The following SLC9A5 variants were observed in gnomAD, a reference collection of about 807,000 sequenced individuals.
SLC9A5 encodes the protein sodium/hydrogen exchanger 5.
A neutral mutation model predicts 91.7 loss-of-function variants in SLC9A5; 52 were observed. The observed-to-expected ratio is 0.57, with a 90% CI of 0.45 to 0.71. The LOEUF is 0.71. Among genes scored for constraint, SLC9A5 ranks in the 30% least tolerant of loss-of-function variants. The pLI, the probability that SLC9A5 is intolerant of heterozygous loss-of-function variation, is 0.00. For missense variants in SLC9A5, 871 were observed against 1,158.9 expected, an observed-to-expected ratio of 0.75 and a Z score of 3.61; for synonymous variants, 419 against 474.5, an observed-to-expected ratio of 0.88 and a Z score of 1.52.
chr16:67,265,060 T>C lies in SLC9A5; in HGVS notation c.2034T>C (p.Ala678=), dbSNP rs767160984. The C allele has an allele frequency of 1.2e-6, 2 of 1,614,124 alleles. No individual in the cohort carries two copies. The highest frequency in any genetic ancestry group is 2.2e-5 in the East Asian group (1 of 44,876). ...CTCAGAAGGATGGTGTGGCGAATGCTGAGGCTACAAATGGGAAACATCGAG... is the reference window on the plus strand; with the variant it reads ...CTCAGAAGGATGGTGTGGCGAATGCCGAGGCTACAAATGGGAAACATCGAG... ...GRRKKDGVAN[A]EATNGKHRGL... The change falls in exon 14 of 16, where the codon GCT becomes GCC. Residue 678 remains alanine, a synonymous_variant. Coordinates refer to ENST00000299798, the MANE Select transcript of SLC9A5 (RefSeq NM_004594.3).
intron 10 of SLC9A5, among the ~76,000 whole-genome samples, 162 bp from the exon 11 acceptor site, chr16:67,259,411 T>G (rs1177218039): frequency 6.7e-6 from 1 of 148,262 alleles, no homozygotes; most frequent in Non-Finnish European, 1.5e-5. Context: ...CAAGTACCTA[T>G]GTTATAGATT....
In SLC9A5 at chr16:67,258,900, G is replaced by T. The variant is rs2035416719; in HGVS notation, c.1626+453G>T. On this transcript the variant is annotated intron_variant, in intron 10 of 15. Transcript: ENST00000299798. The surrounding 1 kb of genome is among the most constrained non-coding windows in gnomAD (Gnocchi z 4.5). ...GTCTCTACTAAAAATACAAAAACTAGCCAGGCATGGTGGTGCATGCCTGTA... is the reference window on the plus strand; with the variant it reads ...GTCTCTACTAAAAATACAAAAACTATCCAGGCATGGTGGTGCATGCCTGTA... Among the ~76,000 whole-genome samples the T allele has an allele frequency of 6.6e-6, 1 of 151,152 alleles. No individual in the cohort carries two copies. The highest frequency in any genetic ancestry group is 2.5e-5 in the African/African-American group (1 of 40,800).
In SLC9A5 at chr16:67,258,443, A is replaced by T. The variant is rs2035400299; in HGVS notation, c.1622A>T (p.Asp541Val). 1 of 1,614,076 alleles carries T rather than the reference A, an allele frequency of 6.2e-7. No individual in the cohort carries two copies. Residue 541 changes from aspartate to valine, a missense_variant, in exon 10 of 16, where the codon GAC becomes GTC. This residue lies in a region of SLC9A5 where 454 missense variants were observed against 718.3 expected (regional missense o/e 0.63). Coordinates refer to ENST00000299798, the MANE Select transcript of SLC9A5 (RefSeq NM_004594.3). This position sits in a 1 kb window ranked among gnomAD's most constrained non-coding sequence, Gnocchi z 4.5. ...ATCCGGGATGCCATCAGCTTTGTGG[A>T]CCAGGTGGGCCAGCAGCTTCCAGGT... ...LNIRDAISFVDQGGHVLSSTG... is the reference protein window; with the variant it reads ...LNIRDAISFVVQGGHVLSSTG...
chr16:67,255,181 C>T lies in SLC9A5; in HGVS notation c.651C>T (p.Thr217=), dbSNP rs748366081. ...AGTCCCTGCTCAACGATGCTGTCAC[C>T]GTGGTGAGCGTGCTCAGCTGACTGC... ...FGESLLNDAV[T]VVLYKVCNSF... The change falls in exon 3 of 16, where the codon ACC becomes ACT. Residue 217 remains threonine, a synonymous_variant. Transcript: ENST00000299798. The surrounding 1 kb of genome is among the most constrained non-coding windows in gnomAD (Gnocchi z 4.9). 1.4e-5 allele frequency: 22 copies of T among 1,612,406 alleles called. No individual in the cohort carries two copies. The highest frequency in any genetic ancestry group is 1.6e-4 in the Middle Eastern group (1 of 6,072).
chr16:67,266,131 G>C lies in SLC9A5; in HGVS notation c.2124G>C (p.Glu708Asp), dbSNP rs766389319. The C allele has an allele frequency of 6.2e-7, 1 of 1,611,704 alleles. No individual in the cohort carries two copies. The highest frequency in any genetic ancestry group is 8.5e-7 in the Non-Finnish European group (1 of 1,178,912). Residue 708 changes from glutamate to aspartate, a missense_variant, in exon 15 of 16, where the codon GAG becomes GAC. Glu to Asp is a conservative substitution (Grantham distance 45). Coordinates refer to ENST00000299798, the MANE Select transcript of SLC9A5 (RefSeq NM_004594.3). The stretch of plus-strand genomic sequence containing the variant: ...TGGAGTCTGAGGAGGAGGAGGAGGA[G>C]AGCGACAGTTCAGAGACAGAGAAGG... ...LTVESEEEEE[E>D]SDSSETEKED...
At position 67,252,517 on chromosome 16, in the gene SLC9A5, A is replaced by G. The variant is rs554303358; in HGVS notation, c.188-25A>G. The stretch of plus-strand genomic sequence containing the variant: ...GGGAGGATATTCCATAAACTGATCC[A>G]TCCTGCACTCTTTTTGCATTGCAGT... On this transcript the variant is annotated intron_variant, in intron 1 of 15. Transcript: ENST00000299798. This position sits in a 1 kb window ranked among gnomAD's most constrained non-coding sequence, Gnocchi z 4.0. 1.3e-5 allele frequency: 21 copies of G among 1,597,126 alleles called. No individual in the cohort carries two copies. In the South Asian group the frequency reaches 2.4e-4, roughly 18 times the overall value.
In SLC9A5 at chr16:67,266,204, C is replaced by T. The variant is rs530527126; in HGVS notation, c.2197C>T (p.Leu733Phe). The change falls in exon 15 of 16, where the codon CTC (leucine) becomes TTC (phenylalanine). Residue 733 changes from leucine (L) to phenylalanine (F), a missense_variant. By Grantham distance (22) the Leu-to-Phe change is conservative (BLOSUM62 0). Transcript: ENST00000299798. Reference sequence around the variant, plus strand: ...TGTGGCTCGTGCCACCAGTGAGGTTCTCCAAGAGGGCAAGGTCTCAGGTAA... The same window carrying T: ...TGTGGCTCGTGCCACCAGTGAGGTTTTCCAAGAGGGCAAGGTCTCAGGTAA... ...IFVARATSEV[L>F]QEGKVSGSLE... The T allele has an allele frequency of 1.7e-5, 27 of 1,606,786 alleles. No individual in the cohort carries two copies. In the African/African-American group the frequency reaches 3.5e-4, roughly 21 times the overall value.
rs370153228 is a variant in SLC9A5 at position 67,255,851 on chromosome 16, A to G, written c.832A>G (p.Ile278Val). ...TTRFTKRVRIIEPLLVFLLAY... is the reference protein window; with the variant it reads ...TTRFTKRVRIVEPLLVFLLAY... ...ACGCTTCACCAAGCGGGTCCGCATC[A>G]TCGAGCCGCTGCTGGTCTTCCTCCT... The change falls in exon 5 of 16, where the codon ATC becomes GTC. Residue 278 changes from isoleucine to valine, a missense_variant. Transcript: ENST00000299798. The surrounding 1 kb of genome is among the most constrained non-coding windows in gnomAD (Gnocchi z 4.9). 34 of 1,613,076 alleles carry G rather than the reference A, an allele frequency of 2.1e-5. 1 individual carries two copies. The highest frequency in any genetic ancestry group is 6.7e-5 in the African/African-American group (5 of 75,036).
chr16:67,254,711 C>G (rs2035246801), intron 2 of SLC9A5, among the ~76,000 whole-genome samples: 1 of 152,172 alleles, frequency 6.6e-6, no homozygotes, highest in Non-Finnish European at 1.5e-5. Flanking sequence ...TTCCCTATTC[C>G]AAATGGCTGG....
intron 12 of SLC9A5, among the ~76,000 whole-genome samples, 156 bp from the exon 13 acceptor site, chr16:67,264,196 C>T (rs2035623021): frequency 6.6e-6 from 1 of 152,112 alleles, no homozygotes; most frequent in African/African-American, 2.4e-5. Flanking sequence ...TGGCTGGGTT[C>T]CTGTTGTATT....
intron 15 of SLC9A5, among the ~76,000 whole-genome samples, chr16:67,269,288 T>C (rs1237958939): frequency 6.6e-6 from 1 of 151,506 alleles, no homozygotes; most frequent in African/African-American, 2.4e-5. Context: ...AAAAATTAGC[T>C]AGGCATGGTG....
In SLC9A5 at chr16:67,252,178, G is replaced by A. The variant is rs149615427; in HGVS notation, c.188-364G>A. On this transcript the variant is annotated intron_variant, in intron 1 of 15. Transcript: ENST00000299798. This position sits in a 1 kb window ranked among gnomAD's most constrained non-coding sequence, Gnocchi z 4.0. ...CAGTCTTAGAAGGTTGGCCAGGCGC[G>A]GTGGCTCACACCTGTAATCCCAGCA... Among the ~76,000 whole-genome samples the A allele has an allele frequency of 3.9e-5, 6 of 152,218 alleles. No homozygotes were observed. The highest frequency in any genetic ancestry group is 4.1e-4 in the South Asian group (2 of 4,822).
rs1487345867 is a variant in SLC9A5, at chr16:67,257,176, C to G, written c.1335+63C>G. 5.3e-6 allele frequency: 8 copies of G among 1,509,248 alleles called. No homozygotes were observed. Among genetic ancestry groups the G allele is most frequent in the Non-Finnish European group, 7.2e-6 (8 of 1,106,084 alleles). 93.5% of individuals were successfully genotyped at this position (1,509,248 alleles called of 1,614,324 possible). ...GGCAGGCCCTGGGGGAGTCTTGGAGCCTGTGGGACAGGGGCTTCTCTTCCC... is the reference window on the plus strand; with the variant it reads ...GGCAGGCCCTGGGGGAGTCTTGGAGGCTGTGGGACAGGGGCTTCTCTTCCC... On this transcript the variant is annotated intron_variant, in intron 7 of 15. Transcript: ENST00000299798. The surrounding 1 kb of genome is among the most constrained non-coding windows in gnomAD (Gnocchi z 5.1).
At chr16:67,251,132 A>G (rs1482669823) in intron 1 of SLC9A5, among the ~76,000 whole-genome samples, 1 of 152,184 alleles carries the variant, frequency 6.6e-6, no homozygotes, top group East Asian at 1.9e-4. Flanking sequence ...AAGTTCAAGT[A>G]AGTTAAATAA....
chr16:67,259,534 C>T, intron 10 of SLC9A5, 39 bp from the exon 11 acceptor site: 1 of 1,468,506 alleles, frequency 6.8e-7, no homozygotes, highest in Non-Finnish European at 9.5e-7. Flanking sequence ...GGCAACCCTC[C>T]ATCTGATTGC....
chr16:67,252,962 C>T lies in SLC9A5; in HGVS notation c.490+118C>T, dbSNP rs146809975. 149 of 938,804 alleles carry T rather than the reference C, an allele frequency of 1.6e-4. No homozygotes were observed. In the African/African-American group the frequency reaches 2.2e-3, roughly 14 times the overall value. The allele number at this position is 938,804 out of a possible 1,614,324, so 58.2% of individuals were successfully genotyped here. A position where few individuals can be genotyped will look rare whatever the true frequency, so the allele number is the denominator to read the frequency against. Reference sequence around the variant, plus strand: ...CTGAAAGCTCCATCCTAGGTCCCTCCCTCTGGAGTGCAAGGCAGTGCTCCC... The same window carrying T: ...CTGAAAGCTCCATCCTAGGTCCCTCTCTCTGGAGTGCAAGGCAGTGCTCCC... On this transcript the variant is annotated intron_variant, in intron 2 of 15. Coordinates refer to ENST00000299798, the MANE Select transcript of SLC9A5 (RefSeq NM_004594.3). This position sits in a 1 kb window ranked among gnomAD's most constrained non-coding sequence, Gnocchi z 4.0.
At chr16:67,267,672 T>C (rs1325032157) in intron 15 of SLC9A5, among the ~76,000 whole-genome samples, 1 of 152,306 alleles carries the variant, frequency 6.6e-6, no homozygotes. Context: ...CCTGAATTCA[T>C]CAAAATGGAG....
rs2035354238 is a variant in SLC9A5, at chr16:67,257,266, G to A, written c.1336-79G>A. ...GCAGTGGGGTAGGGGTACTGAAGCT[G>A]AAGCCTCATTACGGGGAGAGAAAGG... On this transcript the variant is annotated intron_variant, in intron 7 of 15. Coordinates refer to ENST00000299798, the MANE Select transcript of SLC9A5 (RefSeq NM_004594.3). This position sits in a 1 kb window ranked among gnomAD's most constrained non-coding sequence, Gnocchi z 5.1. 9.2e-6 allele frequency: 13 copies of A among 1,412,186 alleles called. No individual in the cohort carries two copies. Among genetic ancestry groups the A allele is most frequent in the Admixed American group, 1.7e-5 (1 of 59,284 alleles). The allele number at this position is 1,412,186 out of a possible 1,614,324, so 87.5% of individuals were successfully genotyped here.
chr16:67,249,221 C>T lies in SLC9A5; in HGVS notation c.187+20C>T, dbSNP rs530437419. On this transcript the variant is annotated intron_variant, in intron 1 of 15. Transcript: ENST00000299798. ...AAATCGGTGAGTGCGTGTGTGCGTG[C>T]GCCAGGCCGACCGCCAGCGGCGGAC... 2.8e-6 allele frequency: 4 copies of T among 1,404,920 alleles called. No individual in the cohort carries two copies. Among genetic ancestry groups the T allele is most frequent in the Admixed American group, 3.0e-5 (1 of 32,826 alleles). 87.0% of individuals were successfully genotyped at this position (1,404,920 alleles called of 1,614,324 possible). A position where few individuals can be genotyped will look rare whatever the true frequency, so the allele number is the denominator to read the frequency against.
Sources: gnomAD v4.1 joint callset for allele counts (sites outside exome capture counted in the v4.1 genomes callset) on GRCh38, gnomAD v4.1.1 for gene constraint, gnomAD v4.1.1 regional missense constraint, Gnocchi (gnomAD v3.1) non-coding constraint, MANE v1.5 for transcripts, NCBI Gene and HGNC (gene_info 2026-07-23, HGNC 2026-07-21) for gene names.